The following FBXO10 variants were observed in gnomAD, a reference collection of about 807,000 sequenced individuals.
The protein encoded by FBXO10 is F-box protein 10, also known as F-box only protein 10.
Under a neutral mutation model 80.7 loss-of-function variants are expected in FBXO10, and 39 were observed. The ratio of observed to expected loss-of-function variants is 0.48; its 90% confidence interval spans 0.37 to 0.63. The LOEUF (loss-of-function observed/expected upper bound fraction) is 0.63. Ranked by LOEUF, FBXO10 falls within the 30% of genes least tolerant of loss-of-function variation. FBXO10 has a pLI of 0.00. For missense variants in FBXO10, 1,025 were observed against 1,269.0 expected, an observed-to-expected ratio of 0.81 and a Z score of 2.92; for synonymous variants, 449 against 489.6, an observed-to-expected ratio of 0.92 and a Z score of 1.09.
chr9:37,572,360 T>C (rs892619873), intron 1 of FBXO10, among the ~76,000 whole-genome samples: 21 of 152,120 alleles, frequency 1.4e-4, no homozygotes, highest in African/African-American at 5.1e-4. Flanking sequence ...CTAAAGAAAC[T>C]TGTTCAAATA....
intron 2 of FBXO10, among the ~76,000 whole-genome samples, chr9:37,538,794 T>TTCCTTGTC (rs1821847112): frequency 6.6e-6 from 1 of 152,032 alleles, no homozygotes; most frequent in South Asian, 2.1e-4. Context: ...AAGCCTCAGT[T>TTCCTTGTC]TCCTTGTCTG....
At chr9:37,521,181 G>A (rs1821334994) in intron 8 of FBXO10, among the ~76,000 whole-genome samples, 1 of 152,230 alleles carries the variant, frequency 6.6e-6, no homozygotes, top group Non-Finnish European at 1.5e-5. Flanking sequence ...GAGGCCTGAG[G>A]GCAAGTTGGG....
At chr9:37,521,505 G>GA (rs200246523) in intron 8 of FBXO10, 64 bp downstream of exon 8, 1,174 of 1,377,538 alleles carry the variant, frequency 8.5e-4, no homozygotes, top group South Asian at 1.4e-3. Flanking sequence ...TTAAATTGGA[G>GA]AAAAAAAAAG....
chr9:37,532,462 G>T (rs1403033589), intron 3 of FBXO10, among the ~76,000 whole-genome samples: 1 of 151,824 alleles, frequency 6.6e-6, no homozygotes, highest in African/African-American at 2.4e-5. Context: ...TTGAATTTTT[G>T]TTTATTTTTA....
At chr9:37,572,828 G>A (rs183410781) in intron 1 of FBXO10, among the ~76,000 whole-genome samples, 2 of 152,270 alleles carry the variant, frequency 1.3e-5, no homozygotes, top group South Asian at 2.1e-4. Flanking sequence ...CATATTTGCT[G>A]TATTTCATAT....
chr9:37,529,052 A>G, intron 5 of FBXO10, 72 bp downstream of exon 5: 1 of 1,589,188 alleles, frequency 6.3e-7, no homozygotes. Flanking sequence ...GTTTCCGTAA[A>G]GAGTGTTTTC....
intron 7 of FBXO10, among the ~76,000 whole-genome samples, 165 bp downstream of exon 7, chr9:37,522,660 A>G (rs1821372078): frequency 6.6e-6 from 1 of 152,132 alleles, no homozygotes; most frequent in Non-Finnish European, 1.5e-5. Flanking sequence ...GATTTGTAAG[A>G]GGCTCTTTGT....
intron 4 of FBXO10, among the ~76,000 whole-genome samples, chr9:37,529,917 TC>T (rs1821575917): frequency 6.6e-6 from 1 of 150,674 alleles, no homozygotes; most frequent in African/African-American, 2.4e-5. Flanking sequence ...CCAGTGATCC[TC>T]CCATCTTGGC....
intron 1 of FBXO10, 115 bp from the exon 2 acceptor site, chr9:37,541,889 T>A (rs41278311): frequency 1.2e-6 from 1 of 864,972 alleles, no homozygotes; most frequent in Admixed American, 2.9e-5. Flanking sequence ...AGTGCAGTGG[T>A]GCGATCTTGG....
intron 1 of FBXO10, among the ~76,000 whole-genome samples, chr9:37,559,977 C>T (rs1822438004): frequency 6.6e-6 from 1 of 152,164 alleles, no homozygotes; most frequent in Admixed American, 6.5e-5. Context: ...ATTATAAAGC[C>T]CTCGGACACC....
At chr9:37,573,967 C>T (rs1228053599) in intron 1 of FBXO10, among the ~76,000 whole-genome samples, 1 of 152,164 alleles carries the variant, frequency 6.6e-6, no homozygotes, top group East Asian at 1.9e-4. Context: ...TTCATTAAGG[C>T]AAACTGAAAG....
chr9:37,556,900 C>T (rs780568762), intron 1 of FBXO10, among the ~76,000 whole-genome samples: 1 of 152,166 alleles, frequency 6.6e-6, no homozygotes, highest in Non-Finnish European at 1.5e-5. Context: ...ATTAGACATG[C>T]TTTTTCTACT....
chr9:37,568,655 G>A (rs1311668987), intron 1 of FBXO10, among the ~76,000 whole-genome samples: 1 of 152,146 alleles, frequency 6.6e-6, no homozygotes. Context: ...GGTGGAAAAA[G>A]GATAAACGGA....
intron 1 of FBXO10, among the ~76,000 whole-genome samples, chr9:37,551,528 T>A (rs4878698): frequency 0.25 from 38,246 of 152,182 alleles, 5,041 homozygotes; most frequent in Middle Eastern, 0.32. Context: ...GTGCCCTGGG[T>A]TCTGTAGCCC....
chr9:37,525,220 T>C, intron 5 of FBXO10, 48 bp from the exon 6 acceptor site: 1 of 1,516,388 alleles, frequency 6.6e-7, no homozygotes, highest in Non-Finnish European at 9.0e-7. Flanking sequence ...AGGGCATCAA[T>C]GTCATGCTTC....
chr9:37,567,892 TA>T (rs1474147290), intron 1 of FBXO10, among the ~76,000 whole-genome samples: 1 of 152,200 alleles, frequency 6.6e-6, no homozygotes, highest in Non-Finnish European at 1.5e-5. Context: ...GCTTCTACTC[TA>T]TTTAGTCCTG....
intron 4 of FBXO10, among the ~76,000 whole-genome samples, chr9:37,529,489 C>T (rs562302936): frequency 1.3e-5 from 2 of 152,306 alleles, no homozygotes; most frequent in African/African-American, 4.8e-5. Flanking sequence ...CTGGAGTCTT[C>T]GCTGCCCAGC....
chr9:37,570,588 T>G (rs1161319881), intron 1 of FBXO10, among the ~76,000 whole-genome samples: 1 of 151,966 alleles, frequency 6.6e-6, no homozygotes, highest in Admixed American at 6.6e-5. Flanking sequence ...AAGAGCAGGT[T>G]CTCTGAAAAG....
intron 5 of FBXO10, among the ~76,000 whole-genome samples, chr9:37,527,798 T>C (rs146184819): frequency 2.0e-5 from 3 of 152,290 alleles, no homozygotes; most frequent in African/African-American, 7.2e-5. Context: ...CACACACACA[T>C]ACAAATACAC....
Sources: gnomAD v4.1 joint callset for allele counts (sites outside exome capture counted in the v4.1 genomes callset) on GRCh38, gnomAD v4.1.1 for gene constraint, MANE v1.5 for transcripts, NCBI Gene and HGNC (gene_info 2026-07-23, HGNC 2026-07-21) for gene names.